The following NFAT5 variants were observed in gnomAD, a reference collection of about 807,000 sequenced individuals.
The protein encoded by NFAT5 is nuclear factor of activated T-cells 5.
Under a neutral mutation model 166.5 loss-of-function variants are expected in NFAT5, and 31 were observed. The observed-to-expected ratio is 0.19, with a 90% CI of 0.14 to 0.25. The LOEUF (loss-of-function observed/expected upper bound fraction) is 0.25. NFAT5 is among the 10% of genes least tolerant of loss of function. The pLI, the probability that NFAT5 is intolerant of heterozygous loss-of-function variation, is 1.00. For synonymous variants in NFAT5, 612 were observed against 639.7 expected (o/e 0.96, Z 0.65); for missense variants, 1,449 against 1,821.8 (o/e 0.80, Z 3.72).
At chr16:69,585,423 CA>C in intron 2 of NFAT5, among the ~76,000 whole-genome samples, 1 of 151,706 alleles carries the variant, frequency 6.6e-6, no homozygotes, top group Non-Finnish European at 1.5e-5. Context: ...GTGGTTCCCC[CA>C]AAAAAGTTAA....
rs190427206 is a variant in NFAT5, at chr16:69,630,419, C to T, written c.253+3891C>T. Among the ~76,000 whole-genome samples the T allele has an allele frequency of 2.6e-5, 4 of 152,262 alleles. No homozygotes were observed. The East Asian group carries it at 7.7e-4, about 29-fold the overall frequency. On this transcript the variant is annotated intron_variant, in intron 3 of 14. Transcript: ENST00000349945. ...CCCCTGGCCTCAAGCAGTTCTCCTA[C>T]CTTGGACTCCCAAAGCACTGGAATT...
chr16:69,649,676 A>G (rs2035587603), intron 4 of NFAT5: 1 of 479,216 alleles, frequency 2.1e-6, no homozygotes, highest in East Asian at 1.5e-4. Flanking sequence ...CTAAATATAT[A>G]GAAAAATCGG....
chr16:69,652,967 C>T (rs1375064493), intron 4 of NFAT5, among the ~76,000 whole-genome samples: 2 of 152,190 alleles, frequency 1.3e-5, no homozygotes, highest in Non-Finnish European at 2.9e-5. Flanking sequence ...TTCCTCCCTT[C>T]CTCCTACCAC....
intron 3 of NFAT5, among the ~76,000 whole-genome samples, chr16:69,630,371 G>A (rs1287027399): frequency 1.3e-5 from 2 of 151,706 alleles, no homozygotes; most frequent in African/African-American, 4.8e-5. Flanking sequence ...TTGTCTTGCT[G>A]TGTTGCCCAG....
intron 2 of NFAT5, among the ~76,000 whole-genome samples, chr16:69,617,385 T>C (rs767976224): frequency 5.3e-5 from 8 of 152,206 alleles, no homozygotes; most frequent in Non-Finnish European, 1.2e-4. Flanking sequence ...TCAAGAAATT[T>C]CTTCAGAAAA....
chr16:69,635,787 G>A (rs2034940323), intron 3 of NFAT5, among the ~76,000 whole-genome samples: 1 of 152,066 alleles, frequency 6.6e-6, no homozygotes, highest in South Asian at 2.1e-4. Context: ...CAACACATGG[G>A]AATTCTGGGA....
rs759115511 is a variant in NFAT5 at position 69,693,127 on chromosome 16, A to G, written c.3302A>G (p.Asn1101Ser). ...CAAAATCCTATTGCCGATGCTCAGA[A>G]CCTTTCCCAGGAAACTCAAGGTTCT... Reference protein sequence around the residue: ...HPQNPIADAQNLSQETQGSLF... With the variant: ...HPQNPIADAQSLSQETQGSLF... The change falls in exon 13 of 15, where the codon AAC (asparagine) becomes AGC (serine). Residue 1101 changes from asparagine (N) to serine (S), a missense_variant. Physicochemically the swap from Asn to Ser is conservative, Grantham distance 46 (BLOSUM62 1). Transcript: ENST00000349945. 2.4e-5 allele frequency: 38 copies of G among 1,613,900 alleles called. No individual in the cohort carries two copies. In the South Asian group the frequency reaches 3.4e-4, roughly 14 times the overall value.
intron 2 of NFAT5, among the ~76,000 whole-genome samples, chr16:69,602,669 A>G (rs1318441863): frequency 6.6e-6 from 1 of 151,422 alleles, no homozygotes; most frequent in Non-Finnish European, 1.5e-5. Flanking sequence ...CAGTGGCACA[A>G]TCTTGGCTCA....
intron 2 of NFAT5, among the ~76,000 whole-genome samples, chr16:69,606,174 G>A (rs1297455143): frequency 2.0e-5 from 3 of 152,106 alleles, no homozygotes; most frequent in Non-Finnish European, 4.4e-5. Flanking sequence ...CACTGTTCTC[G>A]TCTTTAACCT....
intron 7 of NFAT5, among the ~76,000 whole-genome samples, chr16:69,666,474 GA>G (rs1046986784): frequency 1.3e-5 from 2 of 151,714 alleles, no homozygotes; most frequent in Admixed American, 6.6e-5. Context: ...AGATTTACAA[GA>G]AAAAAACAAA....
chr16:69,674,099 T>C (rs1157886056), intron 9 of NFAT5, among the ~76,000 whole-genome samples: 1 of 151,762 alleles, frequency 6.6e-6, no homozygotes, highest in African/African-American at 2.4e-5. Flanking sequence ...AAAAATTTGC[T>C]GGGTGTGGTG....
intron 2 of NFAT5, among the ~76,000 whole-genome samples, chr16:69,614,181 G>A (rs1024962398): frequency 1.0e-4 from 15 of 149,790 alleles, no homozygotes; most frequent in African/African-American, 3.7e-4. Context: ...TTTGAGACAA[G>A]GTCTTGCTCT....
At position 69,669,996 on chromosome 16, in the gene NFAT5, A is replaced by G. The variant is rs535074006; in HGVS notation, c.1389A>G (p.Pro463=). The G allele has an allele frequency of 3.7e-6, 6 of 1,606,350 alleles. No homozygotes were observed. In the African/African-American group the frequency reaches 4.0e-5, roughly 11 times the overall value. Residue 463 remains proline (P), a synonymous_variant, in exon 8 of 15, where the codon CCA becomes CCG. Coordinates refer to ENST00000349945, the MANE Select transcript of NFAT5 (RefSeq NM_138713.4). ...CCACAGCTCAGCCAGCAGGAGTGCC[A>G]GAAATCTTAAAGAAAAGCTTGCATA... ...PILCTQPAGV[P]EILKKSLHSC...
At chr16:69,568,344 A>ATGTGTGTG (rs373838844) in intron 1 of NFAT5, 151 bp from the exon 2 acceptor site, 6,220 of 214,520 alleles carry the variant, frequency 0.029, 117 homozygotes, top group Middle Eastern at 0.034. Flanking sequence ...GTATATATAT[A>ATGTGTGTG]TATGTGTGTG....
intron 5 of NFAT5, among the ~76,000 whole-genome samples, chr16:69,654,303 G>A (rs148539394): frequency 3.0e-4 from 46 of 152,260 alleles, no homozygotes; most frequent in East Asian, 1.7e-3. Context: ...TTTTAAGTTA[G>A]GAGTAGAGGT....
intron 3 of NFAT5, among the ~76,000 whole-genome samples, chr16:69,633,637 A>C (rs1013200663): frequency 6.6e-6 from 1 of 152,212 alleles, no homozygotes; most frequent in African/African-American, 2.4e-5. Context: ...TTGGTCTCAT[A>C]GAAGTAAAAA....
rs571341741 is a variant in NFAT5, at chr16:69,650,220, A to G, written c.812+2634A>G. Among the ~76,000 whole-genome samples the G allele has an allele frequency of 1.0e-3, 159 of 152,220 alleles. 4 individuals carry two copies. The South Asian group carries it at 0.019, about 18-fold the overall frequency. ...TTAAGACTTCTGAATAGAATATGCC[A>G]TGATGGTGGATTTTCCTTTTTGGTT... On this transcript the variant is annotated intron_variant, in intron 4 of 14. Coordinates refer to ENST00000349945, the MANE Select transcript of NFAT5 (RefSeq NM_138713.4).
intron 3 of NFAT5, among the ~76,000 whole-genome samples, chr16:69,634,914 C>G (rs28687303): frequency 6.6e-6 from 1 of 151,252 alleles, no homozygotes; most frequent in Non-Finnish European, 1.5e-5. Context: ...TCTTAAGGTT[C>G]TTATGAAGAT....
Position 69,695,621 on chromosome 16 carries a change from A to G in NFAT5, c.*8+242A>G, listed in dbSNP as rs543448875. The G allele has an allele frequency of 4.0e-5, 14 of 353,538 alleles. No individual in the cohort carries two copies. In the South Asian group the frequency reaches 6.9e-4, roughly 17 times the overall value. The allele number at this position is 353,538 out of a possible 1,614,324, so 21.9% of individuals were successfully genotyped here. On this transcript the variant is annotated intron_variant, in intron 14 of 14. Coordinates refer to ENST00000349945, the MANE Select transcript of NFAT5 (RefSeq NM_138713.4). ...CACTTTGAGAGACCAAGGTGGGCGG[A>G]TCACGAGGTCAGGCGATCGAGACCA... is the stretch of plus-strand genomic sequence containing the variant.
Sources: gnomAD v4.1 joint callset for allele counts (sites outside exome capture counted in the v4.1 genomes callset) on GRCh38, gnomAD v4.1.1 for gene constraint, MANE v1.5 for transcripts, NCBI Gene and HGNC (gene_info 2026-07-23, HGNC 2026-07-21) for gene names.